PRKCB: variants seen among roughly 807,000 people sequenced by gnomAD.
PRKCB encodes the protein protein kinase C beta.
Under a neutral mutation model 81.5 loss-of-function variants are expected in PRKCB, and 13 were observed. The ratio of observed to expected loss-of-function variants is 0.16; its 90% CI spans 0.10 to 0.25. The LOEUF is 0.25. Ranked by LOEUF, PRKCB falls within the 10% of genes least tolerant of loss-of-function variation. The probability of loss-of-function intolerance (pLI) is 1.00; values close to 1 mark genes in which losing one functional copy is unlikely to be tolerated. For missense variants in PRKCB, 509 were observed against 875.7 expected, an observed-to-expected ratio of 0.58 and a Z score of 5.29; for synonymous variants, 335 against 321.4, an observed-to-expected ratio of 1.04 and a Z score of -0.45.
At chr16:23,964,406 G>T (rs1418309518) in intron 2 of PRKCB, among the ~76,000 whole-genome samples, 1 of 152,226 alleles carries the variant, frequency 6.6e-6, no homozygotes, top group East Asian at 1.9e-4. Flanking sequence ...GAATTGAGTA[G>T]TTGTGACAGA....
At chr16:23,851,216 T>C (rs183008795) in intron 2 of PRKCB, among the ~76,000 whole-genome samples, 99 of 152,340 alleles carry the variant, frequency 6.5e-4, no homozygotes, top group African/African-American at 2.3e-3. Flanking sequence ...TTTTATAGTT[T>C]CAGGTTTTAA....
rs868415038 is a variant in PRKCB, at chr16:24,021,038, T to C, written c.289-11098T>C. Among the ~76,000 whole-genome samples the C allele has an allele frequency of 1.2e-4, 10 of 82,272 alleles. No homozygotes were observed. In the East Asian group the frequency reaches 1.9e-3, roughly 15 times the overall value. The allele number at this position is 82,272 out of a possible 152,430, so 54.0% of individuals were successfully genotyped here. ...TTTCTTTCTTTCTTTCTTTCTTTCT[T>C]TCTCTTTCTTTCTTTCTTTCCCTCC... On this transcript the variant is annotated intron_variant, in intron 3 of 16. Coordinates refer to ENST00000643927, the MANE Select transcript of PRKCB (RefSeq NM_002738.7).
intron 9 of PRKCB, among the ~76,000 whole-genome samples, chr16:24,144,722 A>T (rs1966963741): frequency 1.3e-5 from 2 of 152,262 alleles, no homozygotes; most frequent in African/African-American, 4.8e-5. Context: ...ATGGAGCCTT[A>T]TGTAAATTAA....
chr16:24,089,261 C>G (rs1966345745), intron 5 of PRKCB, among the ~76,000 whole-genome samples: 2 of 152,186 alleles, frequency 1.3e-5, no homozygotes, highest in African/African-American at 4.8e-5. Flanking sequence ...ACAGGTTTCA[C>G]TGCAGACTTA....
At chr16:23,872,103 A>G (rs1398472058) in intron 2 of PRKCB, among the ~76,000 whole-genome samples, 1 of 152,116 alleles carries the variant, frequency 6.6e-6, no homozygotes, top group African/African-American at 2.4e-5. Context: ...TTGTGACTGC[A>G]GGCCTTGGTG....
chr16:24,176,925 G>A (rs905091235), intron 12 of PRKCB, among the ~76,000 whole-genome samples: 1 of 149,978 alleles, frequency 6.7e-6, no homozygotes, highest in African/African-American at 2.4e-5. Context: ...CACATGATCC[G>A]CCATATGACA....
At chr16:23,951,529 C>T (rs1329480716) in intron 2 of PRKCB, among the ~76,000 whole-genome samples, 1 of 151,494 alleles carries the variant, frequency 6.6e-6, no homozygotes, top group East Asian at 1.9e-4. Flanking sequence ...GATCTTCCCA[C>T]CTTAGCCTCC....
chr16:24,117,864 G>C (rs960029123), intron 8 of PRKCB, among the ~76,000 whole-genome samples: 5 of 152,206 alleles, frequency 3.3e-5, no homozygotes, highest in Non-Finnish European at 4.4e-5. Context: ...CCAATCAAGG[G>C]ACAGGAAGCT....
intron 9 of PRKCB, among the ~76,000 whole-genome samples, chr16:24,129,094 A>G (rs1966849275): frequency 6.6e-6 from 1 of 152,354 alleles, no homozygotes; most frequent in African/African-American, 2.4e-5. Context: ...ATGTGCTGCC[A>G]TAATAAACAT....
intron 9 of PRKCB, among the ~76,000 whole-genome samples, chr16:24,154,208 G>C (rs1567394293): frequency 6.6e-6 from 1 of 152,196 alleles, no homozygotes; most frequent in African/African-American, 2.4e-5. Context: ...GTCAGGGCTG[G>C]ATGCAGAATC....
Position 24,199,332 on chromosome 16 carries a change from G to A in PRKCB, c.1863+8102G>A, listed in dbSNP as rs187108654. The stretch of plus-strand genomic sequence containing the variant: ...TTCAAGTACTGCTTTAATGAGCTGC[G>A]AATCTGTTCATGTGACATTCTCTTC... On this transcript the variant is annotated intron_variant, in intron 16 of 16. Coordinates refer to ENST00000643927, the MANE Select transcript of PRKCB (RefSeq NM_002738.7). Among the ~76,000 whole-genome samples the A allele has an allele frequency of 1.4e-3, 215 of 152,256 alleles. 4 individuals are homozygous for A. The highest frequency in any genetic ancestry group is 0.01 in the Middle Eastern group (3 of 294).
intron 5 of PRKCB, among the ~76,000 whole-genome samples, chr16:24,058,013 C>T (rs2141875072): frequency 6.6e-6 from 1 of 152,256 alleles, no homozygotes; most frequent in East Asian, 1.9e-4. Flanking sequence ...GCAGATTCTG[C>T]TTCCTTCAGC....
At chr16:24,054,856 A>G (rs777772592) in intron 5 of PRKCB, among the ~76,000 whole-genome samples, 1 of 152,090 alleles carries the variant, frequency 6.6e-6, no homozygotes, top group Non-Finnish European at 1.5e-5. Flanking sequence ...ACATGGCTTT[A>G]TTTAGTTGGT....
intron 9 of PRKCB, among the ~76,000 whole-genome samples, chr16:24,134,762 A>AAG (rs1435216315): frequency 6.6e-6 from 1 of 151,668 alleles, no homozygotes; most frequent in East Asian, 1.9e-4. Context: ...GGAAAAAAAA[A>AAG]AAAGCCAGAC....
At chr16:24,137,486 G>A (rs198201) in intron 9 of PRKCB, among the ~76,000 whole-genome samples, 29,694 of 152,130 alleles carry the variant, frequency 0.2, 3,131 homozygotes, top group South Asian at 0.31. Flanking sequence ...ACGTCGCTGG[G>A]CCCTGTGTTT....
At chr16:24,058,428 A>G (rs962357721) in intron 5 of PRKCB, among the ~76,000 whole-genome samples, 1 of 152,228 alleles carries the variant, frequency 6.6e-6, no homozygotes, top group East Asian at 1.9e-4. Context: ...GTTAAAAAAA[A>G]AAACCAAAAA....
rs78888203 is a variant in PRKCB, at chr16:24,055,283, A to G, written c.529+19736A>G. Among the ~76,000 whole-genome samples, 108 of 152,340 alleles carry G rather than the reference A, an allele frequency of 7.1e-4. 2 individuals carry two copies. In the East Asian group the frequency reaches 0.017, roughly 24 times the overall value. ...CAGACACCTGGTGATTGGAAGCTGG[A>G]GAGACAGTGAGCTTTAGATGGGCTG... On this transcript the variant is annotated intron_variant, in intron 5 of 16. Coordinates refer to ENST00000643927, the MANE Select transcript of PRKCB (RefSeq NM_002738.7).
At chr16:23,862,310 G>T (rs548601678) in intron 2 of PRKCB, among the ~76,000 whole-genome samples, 11 of 152,304 alleles carry the variant, frequency 7.2e-5, no homozygotes, top group African/African-American at 1.9e-4. Flanking sequence ...TGGTTCAAGA[G>T]TCAGCCAGAC....
In PRKCB at chr16:23,920,129, G is replaced by A. The variant is rs113184596; in HGVS notation, c.206-68379G>A. Among the ~76,000 whole-genome samples, 1,138 of 152,254 alleles carry A rather than the reference G, an allele frequency of 7.5e-3. 9 individuals are homozygous for A. Among genetic ancestry groups the A allele is most frequent in the Middle Eastern group, 0.058 (17 of 294 alleles). On this transcript the variant is annotated intron_variant, in intron 2 of 16. Transcript: ENST00000643927. ...TGCATTCCCATCAACAGTGCACAAG[G>A]ATTTTTCCACATCCTCACCAGCACA...
Sources: allele counts gnomAD v4.1 joint callset (sites outside exome capture counted in the v4.1 genomes callset), GRCh38; gene constraint gnomAD v4.1.1; transcripts MANE v1.5; gene names NCBI Gene and HGNC (gene_info 2026-07-23, HGNC 2026-07-21).